Variants in TMCC1 observed in about 807,000 individuals in gnomAD.
TMCC1 encodes transmembrane and coiled-coil domains protein 1.
In TMCC1, 15 loss-of-function variants were observed where a neutral mutation model predicts 52.4. The ratio of observed to expected loss-of-function variants is 0.29; its 90% CI spans 0.19 to 0.44. The LOEUF is 0.44. Ranked by LOEUF, TMCC1 falls within the 20% of genes least tolerant of loss-of-function variation. The probability of loss-of-function intolerance (pLI) is 1.00; values close to 1 mark genes in which losing one functional copy is unlikely to be tolerated. For synonymous variants in TMCC1, 279 were observed against 301.9 expected (o/e 0.92, Z 0.79); for missense variants, 503 against 806.0 (o/e 0.62, Z 4.55).
At position 129,651,304 on chromosome 3, in the gene TMCC1, A is replaced by T; in HGVS notation, c.*177T>A. On this transcript the variant is annotated 3_prime_UTR_variant, in exon 7 of 7. Coordinates refer to ENST00000393238, the MANE Select transcript of TMCC1 (RefSeq NM_001017395.5). This position sits in a 1 kb window ranked among gnomAD's most constrained non-coding sequence, Gnocchi z 5.1. Reference sequence around the variant, plus strand: ...TCGCCCAAAAAACTTCTTGGATAAAATCTAAAAAATACTATTGCAATTGCG... The same window carrying T: ...TCGCCCAAAAAACTTCTTGGATAAATTCTAAAAAATACTATTGCAATTGCG... The T allele has an allele frequency of 1.4e-6, 1 of 726,706 alleles. No individual in the cohort carries two copies. The highest frequency in any genetic ancestry group is 1.8e-5 in the African/African-American group (1 of 56,748). The allele number at this position is 726,706 out of a possible 1,614,324, so 45.0% of individuals were successfully genotyped here. A position where few individuals can be genotyped will look rare whatever the true frequency, so the allele number is the denominator to read the frequency against.
chr3:129,827,946 TCTC>T lies in TMCC1; in HGVS notation c.430_432del (p.Glu144del), dbSNP rs763156384. The T allele has an allele frequency of 6.2e-7, 1 of 1,614,114 alleles. No individual in the cohort carries two copies. The highest frequency in any genetic ancestry group is 8.5e-7 in the Non-Finnish European group (1 of 1,180,010). ...CGGCCTGACTGCATAACAGCTGTCA[TCTC>T]CTGACCAGACTTCCTGTTGATTTGG... On this transcript the variant is annotated inframe_deletion, in exon 4 of 7. Transcript: ENST00000393238.
intron 2 of TMCC1, among the ~76,000 whole-genome samples, chr3:129,874,862 TA>T (rs1394065339): frequency 4.6e-5 from 7 of 152,034 alleles, no homozygotes; most frequent in Admixed American, 3.9e-4. Flanking sequence ...TCTAAAAAAA[TA>T]AATAAAATAA....
In TMCC1 at chr3:129,764,978, T is replaced by C. The variant is rs116997279; in HGVS notation, c.576+62825A>G. Among the ~76,000 whole-genome samples the C allele has an allele frequency of 2.6e-3, 386 of 150,726 alleles. 5 individuals are homozygous for C. Among genetic ancestry groups the C allele is most frequent in the East Asian group, 8.5e-3 (44 of 5,150 alleles). ...CACCATACCCAGCTAATTTTTAATG[T>C]TTTTGTAGAAAGAGGGTCTTACTAT... On this transcript the variant is annotated intron_variant, in intron 4 of 6. Transcript: ENST00000393238.
intron 6 of TMCC1, among the ~76,000 whole-genome samples, chr3:129,653,413 C>T (rs1485292924): frequency 6.6e-6 from 1 of 152,204 alleles, no homozygotes; most frequent in African/African-American, 2.4e-5. Flanking sequence ...GGACACTATG[C>T]CCACACACTA....
At chr3:129,850,304 C>A (rs531806000) in intron 2 of TMCC1, among the ~76,000 whole-genome samples, 1 of 152,260 alleles carries the variant, frequency 6.6e-6, no homozygotes, top group African/African-American at 2.4e-5. Context: ...TCTATGCTTT[C>A]CTGAAACCAG....
chr3:129,792,358 T>A (rs532614288), intron 4 of TMCC1, among the ~76,000 whole-genome samples: 38 of 151,556 alleles, frequency 2.5e-4, no homozygotes, highest in East Asian at 5.8e-4. Flanking sequence ...GCTGATATAT[T>A]TTTTTTTAAG....
At chr3:129,757,596 G>A (rs942299748) in intron 4 of TMCC1, among the ~76,000 whole-genome samples, 2 of 152,130 alleles carry the variant, frequency 1.3e-5, no homozygotes, top group African/African-American at 4.8e-5. Context: ...CAAGGTGGGG[G>A]GATCATTTGA....
chr3:129,651,688 AAG>A lies in TMCC1; in HGVS notation c.1753_1754del (p.Leu585SerfsTer68). ...GGAGGATGTTGATGAGTTTGCCCAG[AAG>A]GTTCCGGGCAGTGGCATTCTCCAGC... ...EGLENATARNLLGKLINILLA... is the reference protein window; with the variant it reads ...EGLENATARNXLGKLINILLA... On this transcript the variant is annotated frameshift_variant, in exon 7 of 7. Coordinates refer to ENST00000393238, the MANE Select transcript of TMCC1 (RefSeq NM_001017395.5). LOFTEE classifies it high-confidence loss of function. This position sits in a 1 kb window ranked among gnomAD's most constrained non-coding sequence, Gnocchi z 5.1. 6.2e-7 allele frequency: 1 copy of A among 1,614,206 alleles called. No individual in the cohort carries two copies. Among genetic ancestry groups the A allele is most frequent in the Non-Finnish European group, 8.5e-7 (1 of 1,180,032 alleles).
chr3:129,836,914 G>A (rs2059186846), intron 2 of TMCC1, among the ~76,000 whole-genome samples: 1 of 152,300 alleles, frequency 6.6e-6, no homozygotes, highest in African/African-American at 2.4e-5. Context: ...TGGAGCTAAT[G>A]AGGGAAGAGC....
intron 1 of TMCC1, among the ~76,000 whole-genome samples, chr3:129,885,977 A>G (rs9855008): frequency 0.97 from 147,753 of 151,868 alleles, 71,891 homozygotes; most frequent in East Asian, 1. Context: ...TCTTGACCTC[A>G]TGATCCACCC....
At chr3:129,756,571 G>T (rs1371420284) in intron 4 of TMCC1, among the ~76,000 whole-genome samples, 2 of 152,042 alleles carry the variant, frequency 1.3e-5, no homozygotes, top group East Asian at 1.9e-4. Flanking sequence ...GCTGATTTTT[G>T]TATCTTTTAG....
At chr3:129,788,155 CTCAAA>C (rs1215083256) in intron 4 of TMCC1, among the ~76,000 whole-genome samples, 1 of 152,048 alleles carries the variant, frequency 6.6e-6, no homozygotes, top group Non-Finnish European at 1.5e-5. Context: ...TAAAATAATA[CTCAAA>C]TCAAACCAAC....
chr3:129,889,729 CTTG>C (rs765227277), intron 1 of TMCC1, among the ~76,000 whole-genome samples: 41 of 152,066 alleles, frequency 2.7e-4, no homozygotes, highest in African/African-American at 8.0e-4. Context: ...CTTCAAGAAG[CTTG>C]TTGTCGCAGA....
At chr3:129,687,232 G>A (rs1413218460) in intron 4 of TMCC1, among the ~76,000 whole-genome samples, 1 of 152,098 alleles carries the variant, frequency 6.6e-6, no homozygotes, top group African/African-American at 2.4e-5. Flanking sequence ...GGCTCTCCGA[G>A]ATAGGAATAT....
At chr3:129,736,493 G>A (rs1310349090) in intron 4 of TMCC1, among the ~76,000 whole-genome samples, 1 of 151,530 alleles carries the variant, frequency 6.6e-6, no homozygotes, top group Non-Finnish European at 1.5e-5. Context: ...AATGAAGGCT[G>A]GACTAGTAAT....
chr3:129,764,779 A>G (rs1483185396), intron 4 of TMCC1, among the ~76,000 whole-genome samples: 1 of 68,066 alleles, frequency 1.5e-5, no homozygotes, highest in African/African-American at 7.5e-5. Flanking sequence ...ATATATATAT[A>G]TATATATATA....
intron 4 of TMCC1, among the ~76,000 whole-genome samples, chr3:129,757,793 G>A (rs2053151442): frequency 6.6e-6 from 1 of 152,066 alleles, no homozygotes; most frequent in South Asian, 2.1e-4. Flanking sequence ...TTGTGCCACT[G>A]CAGTCCAGCC....
intron 4 of TMCC1, among the ~76,000 whole-genome samples, chr3:129,690,504 C>T (rs996269957): frequency 4.6e-5 from 7 of 152,196 alleles, no homozygotes; most frequent in Non-Finnish European, 1.0e-4. Flanking sequence ...AGTGCTGCTT[C>T]TCTTTCTGAA....
chr3:129,651,419 T>C lies in TMCC1; in HGVS notation c.*62A>G, dbSNP rs1299246876. ...GAAAACTTCAGAGTAGGTAAGTTGC[T>C]GTCTAACTCTCTGCTGCATGCACTC... On this transcript the variant is annotated 3_prime_UTR_variant, in exon 7 of 7. Transcript: ENST00000393238. This position sits in a 1 kb window ranked among gnomAD's most constrained non-coding sequence, Gnocchi z 5.1. 1.3e-6 allele frequency: 2 copies of C among 1,514,420 alleles called. No homozygotes were observed. Among genetic ancestry groups the C allele is most frequent in the African/African-American group, 1.4e-5 (1 of 72,204 alleles). The allele number at this position is 1,514,420 out of a possible 1,614,324, so 93.8% of individuals were successfully genotyped here. A position where few individuals can be genotyped will look rare whatever the true frequency, so the allele number is the denominator to read the frequency against.
Sources: allele counts gnomAD v4.1 joint callset (sites outside exome capture counted in the v4.1 genomes callset), GRCh38; gene constraint gnomAD v4.1.1; non-coding constraint Gnocchi (gnomAD v3.1); transcripts MANE v1.5; gene names NCBI Gene and HGNC (gene_info 2026-07-23, HGNC 2026-07-21).